SDC3: variants seen among roughly 807,000 people sequenced by gnomAD.
SDC3 encodes syndecan 3.
Under a neutral mutation model 24.4 loss-of-function variants are expected in SDC3, and 13 were observed. That is an observed-to-expected ratio of 0.53 (90% confidence interval 0.35 to 0.85). The LOEUF is 0.85. Among genes scored for constraint, SDC3 ranks in the 40% least tolerant of loss-of-function variants. The pLI, the probability that SDC3 is intolerant of heterozygous loss-of-function variation, is 0.01. For synonymous variants in SDC3, 295 were observed against 260.9 expected (o/e 1.13, Z -1.26); for missense variants, 571 against 584.5 (o/e 0.98, Z 0.24).
chr1:30,908,514 G>T lies in SDC3; in HGVS notation c.73C>A (p.Pro25Thr), dbSNP rs1295116961. 3 of 976,920 alleles carry T rather than the reference G, an allele frequency of 3.1e-6. No individual in the cohort carries two copies. Among genetic ancestry groups the T allele is most frequent in the South Asian group, 4.5e-5 (1 of 21,998 alleles). 60.5% of individuals were successfully genotyped at this position (976,920 alleles called of 1,614,324 possible). ...AGAGAGAAAG[P>T]GARGLLLPPL... Reference sequence around the variant, plus strand: ...GGCAGGAGCAGCCCGCGGGCCCCGGGCCCGGCCGCGGCCCCGGCCCCGGCG... The same window carrying T: ...GGCAGGAGCAGCCCGCGGGCCCCGGTCCCGGCCGCGGCCCCGGCCCCGGCG... Residue 25 changes from proline to threonine, a missense_variant, in exon 1 of 5, where the codon CCC becomes ACC. Around this residue, in one of 2 missense-constraint regions of SDC3, gnomAD observed 497 missense variants for 471.6 expected, o/e 1.05. Coordinates refer to ENST00000339394, the MANE Select transcript of SDC3 (RefSeq NM_014654.4).
rs1639490305 is a variant in SDC3, at chr1:30,869,532, CAAACAAAAAA to C, written c.*3669_*3678del. On this transcript the variant is annotated 3_prime_UTR_variant, in exon 5 of 5. Transcript: ENST00000339394. ...GCACAGGAAGTGTTAAAAAAACAAA[CAAACAAAAAA>C]AAAAAAAAAAAAAAAAAAACAAAAA... 2.9e-5 allele frequency: 8 copies of C among 277,030 alleles called. No homozygotes were observed. Among genetic ancestry groups the C allele is most frequent in the Non-Finnish European group, 4.6e-5 (8 of 174,444 alleles). 17.2% of individuals were successfully genotyped at this position (277,030 alleles called of 1,614,324 possible).
chr1:30,902,099 G>A (rs977211457), intron 1 of SDC3, among the ~76,000 whole-genome samples: 1 of 152,208 alleles, frequency 6.6e-6, no homozygotes, highest in Non-Finnish European at 1.5e-5. Context: ...ATAGCACCAA[G>A]GCCAGGGGTG....
At chr1:30,894,107 T>C (rs1639948698) in intron 1 of SDC3, among the ~76,000 whole-genome samples, 1 of 151,880 alleles carries the variant, frequency 6.6e-6, no homozygotes, top group Non-Finnish European at 1.5e-5. Context: ...TTTTCGTAGC[T>C]CAGAGCCCCA....
At position 30,878,727 on chromosome 1, in the gene SDC3, C is replaced by A. The variant is rs1441130000; in HGVS notation, c.152G>T (p.Arg51Leu). The A allele has an allele frequency of 6.2e-7, 1 of 1,614,150 alleles. No homozygotes were observed. The highest frequency in any genetic ancestry group is 1.7e-5 in the Admixed American group (1 of 60,032). Residue 51 changes from arginine (R) to leucine (L), a missense_variant, in exon 2 of 5, where the codon CGC becomes CTC. Around this residue, in one of 2 missense-constraint regions of SDC3, gnomAD observed 497 missense variants for 471.6 expected, o/e 1.05. Coordinates refer to ENST00000339394, the MANE Select transcript of SDC3 (RefSeq NM_014654.4). ...CACGGGTCTCTCGAAGTTCTCACTG[C>A]GCCAGCGCTGGGCCTAGGGAAGGTA... ...AGRAAGAQRW[R>L]SENFERPVDL...
chr1:30,875,304 C>T (rs1022709221), intron 3 of SDC3, among the ~76,000 whole-genome samples: 6 of 152,226 alleles, frequency 3.9e-5, no homozygotes, highest in African/African-American at 9.6e-5. Flanking sequence ...GCGTACACAG[C>T]GTGCACAATG....
At chr1:30,878,425 C>T (rs1304444745) in intron 2 of SDC3, 198 bp downstream of exon 2, 3 of 535,580 alleles carry the variant, frequency 5.6e-6, no homozygotes, top group African/African-American at 3.8e-5. Context: ...CCCTGAGGTC[C>T]TCCCAGGTCT....
intron 1 of SDC3, among the ~76,000 whole-genome samples, chr1:30,894,718 AGT>A (rs777036847): frequency 1.2e-4 from 18 of 145,564 alleles, no homozygotes; most frequent in African/African-American, 1.8e-4. Flanking sequence ...GTGTGTGGGG[AGT>A]GTGTGTGTGT....
intron 1 of SDC3, among the ~76,000 whole-genome samples, chr1:30,888,970 A>G (rs886147949): frequency 6.6e-6 from 1 of 152,146 alleles, no homozygotes; most frequent in Non-Finnish European, 1.5e-5. Flanking sequence ...CCAACCCAAG[A>G]TGAGGCTCTG....
intron 2 of SDC3, chr1:30,877,600 T>G: frequency 3.6e-6 from 1 of 276,664 alleles, no homozygotes; most frequent in South Asian, 1.0e-4. Context: ...ACTAAGGGCT[T>G]CCCCCAGAGG....
At chr1:30,890,790 G>A (rs746724244) in intron 1 of SDC3, among the ~76,000 whole-genome samples, 1 of 152,170 alleles carries the variant, frequency 6.6e-6, no homozygotes, top group Non-Finnish European at 1.5e-5. Context: ...CAACACGCTT[G>A]TCTTGGCCCT....
rs78929636 is a variant in SDC3 at position 30,887,276 on chromosome 1, G to T, written c.139-8536C>A. 3.2e-3 allele frequency among the ~76,000 whole-genome samples: 489 copies of T among 151,920 alleles called. 1 individual carries two copies. The highest frequency in any genetic ancestry group is 4.9e-3 in the Non-Finnish European group (332 of 67,964). On this transcript the variant is annotated intron_variant, in intron 1 of 4. Coordinates refer to ENST00000339394, the MANE Select transcript of SDC3 (RefSeq NM_014654.4). Reference sequence around the variant, plus strand: ...CCAGCAAACACGGCAAGGGTTGCCCGCTCCTGGGGCCCAGGAGTCTCCGAG... The same window carrying T: ...CCAGCAAACACGGCAAGGGTTGCCCTCTCCTGGGGCCCAGGAGTCTCCGAG...
rs1425545700 is a variant in SDC3, at chr1:30,871,991, A to C, written c.*1220T>G. The C allele has an allele frequency of 6.6e-6, 1 of 152,302 alleles. No homozygotes were observed. Among genetic ancestry groups the C allele is most frequent in the Non-Finnish European group, 1.5e-5 (1 of 68,088 alleles). 9.4% of individuals were successfully genotyped at this position (152,302 alleles called of 1,614,324 possible). The stretch of plus-strand genomic sequence containing the variant: ...TGCCCTAAAAGGGCTGTGGCCCCAC[A>C]CTTTTTCCGAGAAAGGCAAGGGCCT... On this transcript the variant is annotated 3_prime_UTR_variant, in exon 5 of 5. Coordinates refer to ENST00000339394, the MANE Select transcript of SDC3 (RefSeq NM_014654.4).
chr1:30,885,536 C>T (rs1385131163), intron 1 of SDC3, among the ~76,000 whole-genome samples: 3 of 152,220 alleles, frequency 2.0e-5, no homozygotes, highest in Non-Finnish European at 4.4e-5. Context: ...TGTGAAACTT[C>T]CGGGTCCCCT....
In SDC3 at chr1:30,876,717, C is replaced by A; in HGVS notation, c.705G>T (p.Thr235=). ...GGGCCTCGGTGTCCAAGACAGCCGC[C>A]GTGGTGGGCGGGGAGGGCGCCTCGG... ...TTPEAPSPPT[T]AAVLDTEAPT... The change falls in exon 3 of 5, where the codon ACG becomes ACT. Residue 235 remains threonine (T), a synonymous_variant. Coordinates refer to ENST00000339394, the MANE Select transcript of SDC3 (RefSeq NM_014654.4). 1 of 1,595,974 alleles carries A rather than the reference C, an allele frequency of 6.3e-7. No individual in the cohort carries two copies. Among genetic ancestry groups the A allele is most frequent in the South Asian group, 1.1e-5 (1 of 88,974 alleles).
At chr1:30,898,859 C>A (rs1180757529) in intron 1 of SDC3, among the ~76,000 whole-genome samples, 3 of 152,248 alleles carry the variant, frequency 2.0e-5, no homozygotes, top group African/African-American at 7.2e-5. Context: ...AACAGGCTGC[C>A]TGCTACCACT....
chr1:30,869,536 C>CAAAAAAAAAAAAAAAAAA lies in SDC3; in HGVS notation c.*3657_*3674dup, dbSNP rs11338317. 6 of 348,266 alleles carry CAAAAAAAAAAAAAAAAAA rather than the reference C, an allele frequency of 1.7e-5. No homozygotes were observed. The highest frequency in any genetic ancestry group is 2.5e-5 in the Non-Finnish European group (5 of 203,910). The allele number at this position is 348,266 out of a possible 1,614,324, so 21.6% of individuals were successfully genotyped here. A position where few individuals can be genotyped will look rare whatever the true frequency, so the allele number is the denominator to read the frequency against. On this transcript the variant is annotated 3_prime_UTR_variant, in exon 5 of 5. Coordinates refer to ENST00000339394, the MANE Select transcript of SDC3 (RefSeq NM_014654.4). ...AGGAAGTGTTAAAAAAACAAACAAACAAAAAAAAAAAAAAAAAAAAAAAAA... is the reference window on the plus strand; with the variant it reads ...AGGAAGTGTTAAAAAAACAAACAAACAAAAAAAAAAAAAAAAAAAAAAAAAAAAAAAAAAAAAAAAAAA...
chr1:30,876,916 G>A lies in SDC3; in HGVS notation c.506C>T (p.Thr169Ile), dbSNP rs200214876. ...GGCCACAGTCGGGTCCCCTGTGCTT[G>A]TGGCAGCAGTGGTAGCCATGGTAGT... ...VSTTMATTAA[T>I]STGDPTVATV... The change falls in exon 3 of 5, where the codon ACA becomes ATA. Residue 169 changes from threonine (T) to isoleucine (I), a missense_variant. Transcript: ENST00000339394. 3.1e-6 allele frequency: 5 copies of A among 1,613,820 alleles called. No individual in the cohort carries two copies. The East Asian group carries it at 8.9e-5, about 29-fold the overall frequency.
intron 1 of SDC3, among the ~76,000 whole-genome samples, chr1:30,900,564 T>C (rs1638394783): frequency 6.6e-6 from 1 of 151,974 alleles, no homozygotes; most frequent in South Asian, 2.1e-4. Context: ...GCCCTTCCCC[T>C]GCTCCCAAAA....
intron 1 of SDC3, among the ~76,000 whole-genome samples, chr1:30,900,667 G>T (rs1014033679): frequency 6.6e-6 from 1 of 152,174 alleles, no homozygotes; most frequent in Non-Finnish European, 1.5e-5. Context: ...CCCAGGGAGG[G>T]GGACAGGTCT....
Sources: allele counts gnomAD v4.1 joint callset (sites outside exome capture counted in the v4.1 genomes callset), GRCh38; gene constraint gnomAD v4.1.1; regional missense constraint gnomAD v4.1.1; transcripts MANE v1.5; gene names NCBI Gene and HGNC (gene_info 2026-07-23, HGNC 2026-07-21).